The following RALYL variants were observed in gnomAD, a reference collection of about 807,000 sequenced individuals.
RALYL encodes the protein RALY RNA binding protein like.
RALYL carries 29 observed loss-of-function variants against 35.1 expected under a neutral mutation model. The observed-to-expected ratio is 0.83, with a 90% CI of 0.61 to 1.13. The LOEUF (loss-of-function observed/expected upper bound fraction) is 1.13, where lower values mean the gene tolerates loss of function less well. RALYL is among the 50% of genes most tolerant of loss of function. RALYL has a pLI of 0.00. For missense variants in RALYL, 359 were observed against 360.4 expected (o/e 1.00, Z 0.03); for synonymous variants, 120 against 127.6 (o/e 0.94, Z 0.40).
At chr8:84,835,693 A>G (rs1831871381) in intron 4 of RALYL, among the ~76,000 whole-genome samples, 1 of 151,302 alleles carries the variant, frequency 6.6e-6, no homozygotes, top group Non-Finnish European at 1.5e-5. Context: ...CAAAAAAAAA[A>G]AAAAAAAAAA....
chr8:84,851,498 G>C (rs968474095), intron 5 of RALYL, among the ~76,000 whole-genome samples: 1 of 151,938 alleles, frequency 6.6e-6, no homozygotes, highest in Non-Finnish European at 1.5e-5. Flanking sequence ...AAAAAATGAG[G>C]TAAATATATT....
At chr8:84,512,653 T>C (rs913851320) in intron 1 of RALYL, among the ~76,000 whole-genome samples, 4 of 152,190 alleles carry the variant, frequency 2.6e-5, no homozygotes, top group Non-Finnish European at 5.9e-5. Flanking sequence ...TTAAGTGGTT[T>C]CATAGTTTCA....
intron 1 of RALYL, among the ~76,000 whole-genome samples, chr8:84,459,512 T>G (rs1357298697): frequency 6.6e-6 from 1 of 151,728 alleles, no homozygotes; most frequent in African/African-American, 2.4e-5. Flanking sequence ...GAGTTTATCA[T>G]GACAGCAATG....
chr8:84,635,558 T>C (rs1479268291), intron 2 of RALYL, among the ~76,000 whole-genome samples: 2 of 151,758 alleles, frequency 1.3e-5, no homozygotes, highest in African/African-American at 4.8e-5. Flanking sequence ...TTCAGCTTTT[T>C]GATAGGTACA....
intron 1 of RALYL, among the ~76,000 whole-genome samples, chr8:84,219,006 CTATAAAA>C (rs1353101199): frequency 5.9e-5 from 9 of 152,138 alleles, no homozygotes; most frequent in Middle Eastern, 6.8e-3. Flanking sequence ...ATCCTAAAAG[CTATAAAA>C]TTTAGTGCCC....
At chr8:84,321,484 A>G (rs778365200) in intron 1 of RALYL, among the ~76,000 whole-genome samples, 1 of 152,112 alleles carries the variant, frequency 6.6e-6, no homozygotes, top group Non-Finnish European at 1.5e-5. Flanking sequence ...ATGGAATAAC[A>G]CAAAAGTGAG....
intron 1 of RALYL, among the ~76,000 whole-genome samples, chr8:84,211,304 G>A (rs1478355442): frequency 6.6e-6 from 1 of 152,030 alleles, no homozygotes; most frequent in African/African-American, 2.4e-5. Flanking sequence ...AGTTCCTGAA[G>A]CCCCTTAGTT....
At chr8:84,527,978 G>T (rs904049288) in intron 1 of RALYL, among the ~76,000 whole-genome samples, 3 of 152,060 alleles carry the variant, frequency 2.0e-5, no homozygotes, top group African/African-American at 7.2e-5. Context: ...ATGCTACTTG[G>T]TTGCTCTTGA....
intron 1 of RALYL, among the ~76,000 whole-genome samples, chr8:84,469,497 C>G (rs920814657): frequency 2.4e-4 from 36 of 152,118 alleles, no homozygotes; most frequent in Non-Finnish European, 4.1e-4. Flanking sequence ...GCAGTCTGCC[C>G]GTCCTGAGAT....
rs139924746 is a variant in RALYL at position 84,208,075 on chromosome 8, G to A, written c.-24+23651G>A. ...TAGTAAAGAACGGATCAAAGCCACC[G>A]TTTTTCTGTCAAAAATTTGAGTTTT... On this transcript the variant is annotated intron_variant, in intron 1 of 8. Transcript: ENST00000521268. Among the ~76,000 whole-genome samples, 425 of 152,056 alleles carry A rather than the reference G, an allele frequency of 2.8e-3. 3 individuals are homozygous for A. Among genetic ancestry groups the A allele is most frequent in the African/African-American group, 9.9e-3 (410 of 41,504 alleles).
intron 2 of RALYL, among the ~76,000 whole-genome samples, chr8:84,627,755 T>C (rs1823057193): frequency 6.6e-6 from 1 of 152,004 alleles, no homozygotes; most frequent in African/African-American, 2.4e-5. Context: ...CCCACCATAA[T>C]GAATGATATG....
intron 1 of RALYL, among the ~76,000 whole-genome samples, chr8:84,187,750 G>A (rs188660864): frequency 6.8e-4 from 104 of 152,190 alleles, no homozygotes; most frequent in African/African-American, 2.4e-3. Flanking sequence ...TATTTGGATA[G>A]CTGTTCCTTA....
chr8:84,645,072 A>C (rs76720672), intron 2 of RALYL, among the ~76,000 whole-genome samples: 1 of 152,026 alleles, frequency 6.6e-6, no homozygotes, highest in Non-Finnish European at 1.5e-5. Flanking sequence ...TGTGTATAGC[A>C]TAGAATTCAG....
intron 5 of RALYL, among the ~76,000 whole-genome samples, chr8:84,853,192 C>T (rs1403023209): frequency 1.3e-5 from 2 of 152,200 alleles, no homozygotes; most frequent in Non-Finnish European, 2.9e-5. Context: ...CTCATTCTTC[C>T]TAGCCCTCAC....
chr8:84,390,964 T>A (rs1298226750), intron 1 of RALYL, among the ~76,000 whole-genome samples: 1 of 151,956 alleles, frequency 6.6e-6, no homozygotes, highest in Non-Finnish European at 1.5e-5. Flanking sequence ...AGGGGCCACA[T>A]GTCAGTTTGT....
chr8:84,266,414 A>G (rs892246801), intron 1 of RALYL, among the ~76,000 whole-genome samples: 3 of 152,210 alleles, frequency 2.0e-5, no homozygotes, highest in African/African-American at 4.8e-5. Context: ...AATGAGACCA[A>G]TGAAATCATG....
chr8:84,235,353 A>G lies in RALYL; in HGVS notation c.-24+50929A>G, dbSNP rs996116997. Among the ~76,000 whole-genome samples the G allele has an allele frequency of 2.6e-5, 4 of 152,218 alleles. No individual in the cohort carries two copies. The East Asian group carries it at 7.7e-4, about 29-fold the overall frequency. ...ACCACTTTAGACATAGATATTCATT[A>G]TCAGCTTCCCCTCTTCCACAATAAG... is the stretch of plus-strand genomic sequence containing the variant. On this transcript the variant is annotated intron_variant, in intron 1 of 8. Transcript: ENST00000521268.
At chr8:84,912,757 G>C (rs1847716850) in intron 8 of RALYL, among the ~76,000 whole-genome samples, 1 of 151,870 alleles carries the variant, frequency 6.6e-6, no homozygotes. Context: ...TCACACAAGG[G>C]GAATCAATAT....
At chr8:84,407,645 A>G (rs1393954751) in intron 1 of RALYL, among the ~76,000 whole-genome samples, 1 of 152,152 alleles carries the variant, frequency 6.6e-6, no homozygotes, top group African/African-American at 2.4e-5. Flanking sequence ...TGTTAGATAG[A>G]TGGGTTTGAG....
Sources: allele counts gnomAD v4.1 joint callset (sites outside exome capture counted in the v4.1 genomes callset), GRCh38; gene constraint gnomAD v4.1.1; transcripts MANE v1.5; gene names NCBI Gene and HGNC (gene_info 2026-07-23, HGNC 2026-07-21).